Variants in TRIM2 observed in about 807,000 individuals in gnomAD.
The protein encoded by TRIM2 is tripartite motif-containing protein 2.
Under a neutral mutation model 75.2 loss-of-function variants are expected in TRIM2, and 20 were observed. The observed-to-expected ratio is 0.27, with a 90% CI of 0.19 to 0.39. TRIM2 has a LOEUF of 0.39. TRIM2 is among the 10% of genes least tolerant of loss of function. TRIM2 has a pLI of 1.00. For missense variants in TRIM2, 660 were observed against 990.8 expected (o/e 0.67, Z 4.48); for synonymous variants, 373 against 388.3 (o/e 0.96, Z 0.46).
intron 6 of TRIM2, chr4:153,308,487 A>G: frequency 1.3e-6 from 1 of 768,246 alleles, no homozygotes; most frequent in Non-Finnish European, 2.4e-6. Context: ...CTAGGTGGCC[A>G]GATAAGGCTG....
intron 1 of TRIM2, among the ~76,000 whole-genome samples, chr4:153,175,455 C>T (rs1343239917): frequency 6.6e-6 from 1 of 151,978 alleles, no homozygotes; most frequent in African/African-American, 2.4e-5. Flanking sequence ...TTCACCGAGA[C>T]TGGACTCTCA....
At chr4:153,161,329 C>T (rs1376565210) in intron 1 of TRIM2, among the ~76,000 whole-genome samples, 1 of 152,188 alleles carries the variant, frequency 6.6e-6, no homozygotes, top group Non-Finnish European at 1.5e-5. Flanking sequence ...ATTGAACGTA[C>T]GTGCTATATG....
In TRIM2 at chr4:153,296,782, T is replaced by A. The variant is rs972700726; in HGVS notation, c.1510+746T>A. 2.6e-5 allele frequency among the ~76,000 whole-genome samples: 4 copies of A among 152,250 alleles called. No individual in the cohort carries two copies. The South Asian group carries it at 8.3e-4, about 32-fold the overall frequency. ...CAACTAAATGTAAACAGCAAAGGGC[T>A]TGATGATTCTTAAGGGAGAAAAGTC... is the stretch of plus-strand genomic sequence containing the variant. On this transcript the variant is annotated intron_variant, in intron 6 of 11. Coordinates refer to ENST00000338700, the MANE Select transcript of TRIM2 (RefSeq NM_015271.5).
At chr4:153,278,576 A>T (rs1459164247) in intron 3 of TRIM2, among the ~76,000 whole-genome samples, 1 of 152,112 alleles carries the variant, frequency 6.6e-6, no homozygotes, top group Non-Finnish European at 1.5e-5. Context: ...AGGCAAGCCA[A>T]TCGCTTGAGC....
At chr4:153,206,455 G>C (rs1245557511) in intron 1 of TRIM2, among the ~76,000 whole-genome samples, 4 of 152,158 alleles carry the variant, frequency 2.6e-5, no homozygotes, top group Non-Finnish European at 5.9e-5. Context: ...TATTACAAAG[G>C]ATACAGTTGA....
intron 1 of TRIM2, among the ~76,000 whole-genome samples, chr4:153,227,530 C>T (rs966032885): frequency 6.6e-5 from 10 of 152,270 alleles, no homozygotes; most frequent in African/African-American, 2.4e-4. Flanking sequence ...GCACATTCAA[C>T]GATGGTGTGG....
chr4:153,289,557 C>A (rs557940564), intron 3 of TRIM2, among the ~76,000 whole-genome samples: 1 of 152,052 alleles, frequency 6.6e-6, no homozygotes, highest in Non-Finnish European at 1.5e-5. Flanking sequence ...TTACATTTTT[C>A]GCGACTCTAT....
intron 1 of TRIM2, among the ~76,000 whole-genome samples, chr4:153,159,446 G>A (rs1321065650): frequency 1.3e-5 from 2 of 151,758 alleles, no homozygotes; most frequent in African/African-American, 4.8e-5. Flanking sequence ...GACCACAAGT[G>A]TGCACTACCA....
intron 10 of TRIM2, among the ~76,000 whole-genome samples, chr4:153,326,451 G>A (rs1234895910): frequency 2.0e-5 from 3 of 152,176 alleles, no homozygotes; most frequent in Admixed American, 6.5e-5. Context: ...CCCATGTAAT[G>A]CTGGGCAGTT....
intron 1 of TRIM2, among the ~76,000 whole-genome samples, chr4:153,208,577 A>G (rs1736090767): frequency 6.6e-6 from 1 of 152,170 alleles, no homozygotes; most frequent in African/African-American, 2.4e-5. Flanking sequence ...GGTCAAACAG[A>G]GCTGAACTCG....
intron 6 of TRIM2, among the ~76,000 whole-genome samples, chr4:153,303,455 A>G (rs1764356805): frequency 6.6e-6 from 1 of 151,336 alleles, no homozygotes; most frequent in Admixed American, 6.6e-5. Flanking sequence ...CCTGGGTGAC[A>G]GAGTGAGACT....
chr4:153,178,467 T>G (rs1246647297), intron 1 of TRIM2, among the ~76,000 whole-genome samples: 1 of 152,250 alleles, frequency 6.6e-6, no homozygotes, highest in Non-Finnish European at 1.5e-5. Context: ...TGAAGGCTCT[T>G]GTGCCTTCTG....
chr4:153,264,766 T>C (rs1754480765), intron 1 of TRIM2, among the ~76,000 whole-genome samples: 1 of 152,196 alleles, frequency 6.6e-6, no homozygotes, highest in Non-Finnish European at 1.5e-5. Flanking sequence ...CCATTAGGAG[T>C]AGTCAAATGT....
chr4:153,251,847 G>T (rs1390929719), intron 1 of TRIM2, among the ~76,000 whole-genome samples: 1 of 152,106 alleles, frequency 6.6e-6, no homozygotes, highest in African/African-American at 2.4e-5. Context: ...TTAGCATGGT[G>T]GTACACGCCT....
chr4:153,200,185 C>A (rs1734191176), upstream of TRIM2, among the ~76,000 whole-genome samples: 1 of 152,180 alleles, frequency 6.6e-6, no homozygotes, highest in Non-Finnish European at 1.5e-5. Flanking sequence ...AAGTGATCGG[C>A]CTCCCAAAGT....
At chr4:153,301,593 T>C (rs933196963) in intron 6 of TRIM2, among the ~76,000 whole-genome samples, 2 of 152,240 alleles carry the variant, frequency 1.3e-5, no homozygotes, top group Admixed American at 6.5e-5. Context: ...TTTTTCCCTA[T>C]GTTTTCTGCT....
intron 1 of TRIM2, among the ~76,000 whole-genome samples, chr4:153,260,700 CCA>C (rs1185919053): frequency 2.8e-3 from 190 of 67,034 alleles, no homozygotes; most frequent in Middle Eastern, 8.3e-3. Flanking sequence ...ACCCCCCCCC[CCA>C]CACACACACA....
intron 1 of TRIM2, among the ~76,000 whole-genome samples, chr4:153,266,236 A>AACGGCTCATTGCAGCCT (rs1368994036): frequency 6.6e-6 from 1 of 151,126 alleles, no homozygotes; most frequent in Non-Finnish European, 1.5e-5. Flanking sequence ...GGGGCATGCT[A>AACGGCTCATTGCAGCCT]ACGGCTCATT....
At chr4:153,256,913 G>A (rs1272526625) in intron 1 of TRIM2, among the ~76,000 whole-genome samples, 2 of 152,080 alleles carry the variant, frequency 1.3e-5, no homozygotes, top group Non-Finnish European at 2.9e-5. Flanking sequence ...TGGACTGTTT[G>A]TTTGTTTGTT....
Sources: allele counts gnomAD v4.1 joint callset (sites outside exome capture counted in the v4.1 genomes callset), GRCh38; gene constraint gnomAD v4.1.1; transcripts MANE v1.5; gene names NCBI Gene and HGNC (gene_info 2026-07-23, HGNC 2026-07-21).